Variants in NDUFS4 observed in about 807,000 individuals in gnomAD.
NDUFS4 encodes NADH dehydrogenase [ubiquinone] iron-sulfur protein 4, mitochondrial.
In NDUFS4, 28 loss-of-function variants were observed where a neutral mutation model predicts 24.3. The ratio of observed to expected loss-of-function variants is 1.15; its 90% CI spans 0.85 to 1.58. The LOEUF (loss-of-function observed/expected upper bound fraction) is 1.58. Ranked by LOEUF, NDUFS4 falls within the 40% of genes most tolerant of loss-of-function variation. The pLI is 0.00. For missense variants in NDUFS4, 223 were observed against 207.9 expected, an observed-to-expected ratio of 1.07 and a Z score of -0.45; for synonymous variants, 93 against 69.7, an observed-to-expected ratio of 1.34 and a Z score of -1.67.
chr5:53,677,071 A>G (rs1195055623), intron 4 of NDUFS4, among the ~76,000 whole-genome samples: 2 of 152,174 alleles, frequency 1.3e-5, no homozygotes, highest in African/African-American at 4.8e-5. Flanking sequence ...TTCTCCAGAA[A>G]AATGTGTTCT....
At chr5:53,617,710 T>C (rs1750886937) in intron 2 of NDUFS4, among the ~76,000 whole-genome samples, 1 of 152,226 alleles carries the variant, frequency 6.6e-6, no homozygotes, top group Admixed American at 6.5e-5. Flanking sequence ...ATATTTCCTC[T>C]TTTGTAAATA....
chr5:53,595,361 T>C (rs578005633), intron 1 of NDUFS4, among the ~76,000 whole-genome samples: 1 of 152,300 alleles, frequency 6.6e-6, no homozygotes, highest in South Asian at 2.1e-4. Flanking sequence ...TTTCCAGTTA[T>C]TAATAACACA....
chr5:53,665,458 C>T (rs1752483779), intron 4 of NDUFS4, among the ~76,000 whole-genome samples: 1 of 152,244 alleles, frequency 6.6e-6, no homozygotes, highest in Non-Finnish European at 1.5e-5. Context: ...CCTTCTTGAG[C>T]TGCGCTGGGC....
intron 1 of NDUFS4, among the ~76,000 whole-genome samples, chr5:53,585,043 G>A (rs1025280813): frequency 3.9e-5 from 6 of 152,180 alleles, no homozygotes; most frequent in African/African-American, 9.7e-5. Context: ...GATTTCAGAC[G>A]TGGGCCATAG....
At chr5:53,587,775 C>T (rs71619968) in intron 1 of NDUFS4, among the ~76,000 whole-genome samples, 91 of 152,228 alleles carry the variant, frequency 6.0e-4, no homozygotes, top group Non-Finnish European at 1.1e-3. Flanking sequence ...GACGGGATTT[C>T]ACCATGTTGC....
rs1002320402 is a variant in NDUFS4, at chr5:53,563,242, A to C, written c.98+2482A>C. On this transcript the variant is annotated intron_variant, in intron 1 of 4. Coordinates refer to ENST00000296684, the MANE Select transcript of NDUFS4 (RefSeq NM_002495.4). ...AGACTGTGTCTCAAAAAAACAAAAA[A>C]AAAAAAAAAAAAGAAAAGGAAGGAT... Among the ~76,000 whole-genome samples the C allele has an allele frequency of 1.5e-3, 219 of 145,586 alleles. 2 individuals carry two copies. Among genetic ancestry groups the C allele is most frequent in the African/African-American group, 5.0e-3 (200 of 39,690 alleles).
chr5:53,591,085 C>T (rs1749941320), intron 1 of NDUFS4, among the ~76,000 whole-genome samples: 1 of 152,122 alleles, frequency 6.6e-6, no homozygotes, highest in African/African-American at 2.4e-5. Context: ...ATGGTTCTTC[C>T]ATGGTGTAGC....
At chr5:53,590,755 C>G (rs1468809480) in intron 1 of NDUFS4, among the ~76,000 whole-genome samples, 2 of 152,152 alleles carry the variant, frequency 1.3e-5, no homozygotes, top group Non-Finnish European at 1.5e-5. Context: ...AAGGCATGCT[C>G]TTTTTAAAAT....
intron 2 of NDUFS4, among the ~76,000 whole-genome samples, chr5:53,640,034 C>T (rs1159523008): frequency 6.6e-6 from 1 of 151,938 alleles, no homozygotes; most frequent in African/African-American, 2.4e-5. Flanking sequence ...TTGTCTTACC[C>T]CAGAGTCCAT....
At chr5:53,587,485 T>C (rs444848) in intron 1 of NDUFS4, among the ~76,000 whole-genome samples, 30,987 of 152,124 alleles carry the variant, frequency 0.2, 3,681 homozygotes, top group East Asian at 0.46. Flanking sequence ...AGGCATATAT[T>C]TGAGTATGTA....
intron 1 of NDUFS4, among the ~76,000 whole-genome samples, chr5:53,562,915 A>G (rs1748894604): frequency 6.7e-6 from 1 of 150,248 alleles, no homozygotes; most frequent in South Asian, 2.1e-4. Flanking sequence ...TCAGTAAGGT[A>G]AGGAGTGGAG....
At chr5:53,679,645 G>A (rs1330494237) in intron 4 of NDUFS4, among the ~76,000 whole-genome samples, 2 of 152,132 alleles carry the variant, frequency 1.3e-5, no homozygotes, top group African/African-American at 4.8e-5. Context: ...CTACCTGGCG[G>A]CTGAAAGGGT....
chr5:53,611,296 T>C (rs1395738936), intron 2 of NDUFS4, among the ~76,000 whole-genome samples: 1 of 151,946 alleles, frequency 6.6e-6, no homozygotes, highest in Non-Finnish European at 1.5e-5. Flanking sequence ...AAAGTCTGCT[T>C]AGCATTTTCT....
intron 1 of NDUFS4, among the ~76,000 whole-genome samples, chr5:53,588,424 G>A (rs190023615): frequency 6.6e-6 from 1 of 152,118 alleles, no homozygotes; most frequent in Non-Finnish European, 1.5e-5. Context: ...ATTATTTGCG[G>A]TATTATTATC....
At chr5:53,568,587 G>A (rs1445775554) in intron 1 of NDUFS4, among the ~76,000 whole-genome samples, 1 of 152,104 alleles carries the variant, frequency 6.6e-6, no homozygotes, top group Non-Finnish European at 1.5e-5. Flanking sequence ...AAGGCATTTT[G>A]ATAATTTTGG....
chr5:53,643,130 A>T (rs76326583), intron 2 of NDUFS4, among the ~76,000 whole-genome samples: 5 of 152,122 alleles, frequency 3.3e-5, no homozygotes, highest in Non-Finnish European at 5.9e-5. Flanking sequence ...GAATTTACAG[A>T]TAATTATTAA....
chr5:53,658,723 G>C, intron 4 of NDUFS4, 99 bp downstream of exon 4: 2 of 956,416 alleles, frequency 2.1e-6, no homozygotes, highest in Non-Finnish European at 3.2e-6. Flanking sequence ...TTGGAATCCA[G>C]TGGTTTCATT....
intron 3 of NDUFS4, among the ~76,000 whole-genome samples, chr5:53,651,995 G>C (rs1424241178): frequency 6.6e-6 from 1 of 151,960 alleles, no homozygotes; most frequent in Non-Finnish European, 1.5e-5. Context: ...GGATGGTCTC[G>C]ATCTCTTGAC....
intron 2 of NDUFS4, among the ~76,000 whole-genome samples, chr5:53,615,497 C>CTA (rs908378435): frequency 1.5e-4 from 23 of 152,066 alleles, no homozygotes; most frequent in African/African-American, 5.1e-4. Flanking sequence ...TGCTTCTATT[C>CTA]TACTCTTCAA....
Sources: allele counts gnomAD v4.1 joint callset (sites outside exome capture counted in the v4.1 genomes callset), GRCh38; gene constraint gnomAD v4.1.1; transcripts MANE v1.5; gene names NCBI Gene and HGNC (gene_info 2026-07-23, HGNC 2026-07-21).